Variants in SH3GL2 observed in about 807,000 individuals in gnomAD.
SH3GL2 encodes SH3 domain containing GRB2 like 2, endophilin A1.
In SH3GL2, 24 loss-of-function variants were observed where a neutral mutation model predicts 46.0. The ratio of observed to expected loss-of-function variants is 0.52; its 90% CI spans 0.38 to 0.73. The LOEUF (loss-of-function observed/expected upper bound fraction) is 0.73. SH3GL2 is among the 30% of genes least tolerant of loss of function. The pLI is 0.00. For synonymous variants in SH3GL2, 196 were observed against 147.1 expected, an observed-to-expected ratio of 1.33 and a Z score of -2.40; for missense variants, 413 against 424.2, an observed-to-expected ratio of 0.97 and a Z score of 0.23.
At chr9:17,593,842 G>T (rs553707537) in intron 1 of SH3GL2, among the ~76,000 whole-genome samples, 2 of 152,280 alleles carry the variant, frequency 1.3e-5, no homozygotes, top group East Asian at 3.9e-4. Context: ...CACAAGATCA[G>T]TAGGAGCCCA....
chr9:17,687,942 G>A (rs1563812815), intron 1 of SH3GL2, among the ~76,000 whole-genome samples: 1 of 152,080 alleles, frequency 6.6e-6, no homozygotes, highest in Non-Finnish European at 1.5e-5. Flanking sequence ...TTTAAGAGAT[G>A]CCTGACAGTA....
chr9:17,747,929 C>G (rs1391127383), intron 2 of SH3GL2, among the ~76,000 whole-genome samples: 1 of 152,150 alleles, frequency 6.6e-6, no homozygotes, highest in Non-Finnish European at 1.5e-5. Context: ...CTGCCTCAGC[C>G]TCCCAAAGTG....
chr9:17,680,445 A>G (rs1820737733), intron 1 of SH3GL2, among the ~76,000 whole-genome samples: 1 of 151,916 alleles, frequency 6.6e-6, no homozygotes, highest in African/African-American at 2.4e-5. Context: ...CTCTGATGGT[A>G]GTTTGTATTT....
chr9:17,738,134 A>T (rs930113564), intron 1 of SH3GL2, among the ~76,000 whole-genome samples: 2 of 152,244 alleles, frequency 1.3e-5, no homozygotes, highest in Middle Eastern at 3.4e-3. Context: ...TTTTATTTGC[A>T]TTTAAAACCT....
At chr9:17,729,697 A>G (rs1822119728) in intron 1 of SH3GL2, among the ~76,000 whole-genome samples, 1 of 152,108 alleles carries the variant, frequency 6.6e-6, no homozygotes, top group African/African-American at 2.4e-5. Context: ...AGTTTTCCCA[A>G]CACCATTGAC....
chr9:17,773,375 A>G (rs1398296764), intron 3 of SH3GL2, among the ~76,000 whole-genome samples: 5 of 152,094 alleles, frequency 3.3e-5, no homozygotes, highest in Admixed American at 2.6e-4. Flanking sequence ...ATATCCAGGA[A>G]TTCATTGCCA....
At chr9:17,739,639 A>G (rs1822466847) in intron 1 of SH3GL2, among the ~76,000 whole-genome samples, 1 of 152,060 alleles carries the variant, frequency 6.6e-6, no homozygotes, top group African/African-American at 2.4e-5. Context: ...TATTCAGCAC[A>G]TTGTATATAC....
intron 1 of SH3GL2, among the ~76,000 whole-genome samples, chr9:17,719,970 T>G (rs1563826014): frequency 7.0e-6 from 1 of 142,348 alleles, no homozygotes; most frequent in African/African-American, 3.1e-5. Context: ...GTTTACTAAT[T>G]AAAAAAAACC....
At chr9:17,608,308 T>C (rs1818798172) in intron 1 of SH3GL2, among the ~76,000 whole-genome samples, 2 of 151,954 alleles carry the variant, frequency 1.3e-5, no homozygotes, top group Non-Finnish European at 2.9e-5. Context: ...CCACCACACC[T>C]GGCTAAATTT....
rs748215847 is a variant in SH3GL2, at chr9:17,787,504, G to A, written c.456G>A (p.Arg152=). 10 of 1,612,482 alleles carry A rather than the reference G, an allele frequency of 6.2e-6. No individual in the cohort carries two copies. Among genetic ancestry groups the A allele is most frequent in the Non-Finnish European group, 8.5e-6 (10 of 1,178,990 alleles). The change falls in exon 5 of 9, where the codon AGG becomes AGA. Residue 152 remains arginine, a synonymous_variant. Transcript: ENST00000380607. ...AGAATCTTCATGACAAAGATCTTAG[G>A]GAAATTCAAGTATGTACAATGAGTC... ...PLQNLHDKDL[R]EIQHHLKKLE...
intron 2 of SH3GL2, chr9:17,755,709 T>C: frequency 4.7e-6 from 4 of 842,680 alleles, no homozygotes; most frequent in Non-Finnish European, 5.7e-6. Context: ...TCTGGTATAA[T>C]GTGGTATCTA....
At chr9:17,701,223 A>G (rs1821336855) in intron 1 of SH3GL2, among the ~76,000 whole-genome samples, 1 of 152,238 alleles carries the variant, frequency 6.6e-6, no homozygotes, top group Admixed American at 6.5e-5. Context: ...GAGGAATCAG[A>G]CTGACTACAA....
At position 17,795,692 on chromosome 9, in the gene SH3GL2, A is replaced by G. The variant is rs1244930925; in HGVS notation, c.1008A>G (p.Ser336=). Residue 336 remains serine, a synonymous_variant, in exon 9 of 9, where the codon TCA becomes TCG. Coordinates refer to ENST00000380607, the MANE Select transcript of SH3GL2 (RefSeq NM_003026.5). ...ATGAGGGGATGCTGCATGGCCATTC[A>G]GGCTTCTTCCCCATCAATTATGTGG... is the stretch of plus-strand genomic sequence containing the variant. ...NWYEGMLHGH[S]GFFPINYVEI... The G allele has an allele frequency of 6.2e-7, 1 of 1,614,018 alleles. No individual in the cohort carries two copies. Among genetic ancestry groups the G allele is most frequent in the East Asian group, 2.2e-5 (1 of 44,832 alleles).
In SH3GL2 at chr9:17,579,091, C is replaced by G. The variant is rs1039089267; in HGVS notation, c.-152C>G. ...GTCAGAGTGTTTCTCCGCAAGAGCC[C>G]GTGTCCCGCTAGGCTCCGCGCCCTC... On this transcript the variant is annotated 5_prime_UTR_variant, in exon 1 of 9. Coordinates refer to ENST00000380607, the MANE Select transcript of SH3GL2 (RefSeq NM_003026.5). 57 of 495,832 alleles carry G rather than the reference C, an allele frequency of 1.1e-4. 1 individual carries two copies. The highest frequency in any genetic ancestry group is 5.1e-4 in the South Asian group (17 of 33,274). 30.7% of individuals were successfully genotyped at this position (495,832 alleles called of 1,614,324 possible).
chr9:17,598,261 C>G (rs1818610242), intron 1 of SH3GL2, among the ~76,000 whole-genome samples: 1 of 152,156 alleles, frequency 6.6e-6, no homozygotes, highest in South Asian at 2.1e-4. Flanking sequence ...TTCACAGACA[C>G]TTTAGATTCT....
intron 1 of SH3GL2, among the ~76,000 whole-genome samples, chr9:17,604,923 G>A (rs1296824677): frequency 6.6e-6 from 1 of 151,868 alleles, no homozygotes; most frequent in Non-Finnish European, 1.5e-5. Context: ...CCTGCAGGTA[G>A]AGCCTGGTAT....
intron 1 of SH3GL2, among the ~76,000 whole-genome samples, chr9:17,743,060 A>G (rs1263009812): frequency 6.6e-6 from 1 of 152,252 alleles, no homozygotes; most frequent in Non-Finnish European, 1.5e-5. Flanking sequence ...AATAAACAGT[A>G]CCAGGTAAGG....
chr9:17,641,752 C>G (rs1031506443), intron 1 of SH3GL2, among the ~76,000 whole-genome samples: 1 of 152,090 alleles, frequency 6.6e-6, no homozygotes, highest in African/African-American at 2.4e-5. Context: ...CATCCATGTC[C>G]CTGCAAAGGA....
At position 17,787,467 on chromosome 9, in the gene SH3GL2, T is replaced by C. The variant is rs987335646; in HGVS notation, c.419T>C (p.Ile140Thr). The C allele has an allele frequency of 1.2e-6, 2 of 1,612,854 alleles. No homozygotes were observed. The highest frequency in any genetic ancestry group is 1.7e-6 in the Non-Finnish European group (2 of 1,178,962). The change falls in exon 5 of 9, where the codon ATT (isoleucine) becomes ACT (threonine). Residue 140 changes from isoleucine (I) to threonine (T), a missense_variant. Around this residue, in one of 3 missense-constraint regions of SH3GL2, gnomAD observed 160 missense variants for 192.3 expected, o/e 0.83. Transcript: ENST00000380607. Reference protein sequence around the residue: ...SLDIEVKQNFIDPLQNLHDKD... With the variant: ...SLDIEVKQNFTDPLQNLHDKD... Reference sequence around the variant, plus strand: ...GACATAGAAGTGAAGCAGAACTTCATTGACCCTCTTCAGAATCTTCATGAC... The same window carrying C: ...GACATAGAAGTGAAGCAGAACTTCACTGACCCTCTTCAGAATCTTCATGAC...
Sources: allele counts gnomAD v4.1 joint callset (sites outside exome capture counted in the v4.1 genomes callset), GRCh38; gene constraint gnomAD v4.1.1; regional missense constraint gnomAD v4.1.1; transcripts MANE v1.5; gene names NCBI Gene and HGNC (gene_info 2026-07-23, HGNC 2026-07-21).